SRD5A2: variants seen among roughly 807,000 people sequenced by gnomAD.
SRD5A2 encodes the protein 3-oxo-5-alpha-steroid 4-dehydrogenase 2.
Under a neutral mutation model 27.4 loss-of-function variants are expected in SRD5A2, and 30 were observed. The observed-to-expected ratio is 1.10, with a 90% CI of 0.82 to 1.49. The LOEUF is 1.49. SRD5A2 is among the 40% of genes most tolerant of loss of function. The pLI is 0.00. For synonymous variants in SRD5A2, 141 were observed against 133.6 expected (o/e 1.06, Z -0.38); for missense variants, 348 against 323.4 (o/e 1.08, Z -0.58).
chr2:31,565,310 T>C (rs983182069), intron 1 of SRD5A2, among the ~76,000 whole-genome samples: 1 of 151,588 alleles, frequency 6.6e-6, no homozygotes, highest in Admixed American at 6.6e-5. Context: ...TGGAAACAAA[T>C]AGCAAGATGA....
At position 31,523,044 on chromosome 2, in the gene SRD5A2, A is replaced by T. The variant is rs1286723928; in HGVS notation, c.*3152T>A. Reference sequence around the variant, plus strand: ...CGCCTAAATAGCTGTTTAATTGCGTATTTCTCATTAGAGCTCCTTTTTCCT... The same window carrying T: ...CGCCTAAATAGCTGTTTAATTGCGTTTTTCTCATTAGAGCTCCTTTTTCCT... On this transcript the variant is annotated 3_prime_UTR_variant, in exon 5 of 5. Transcript: ENST00000622030. The T allele has an allele frequency of 4.6e-6, 1 of 217,986 alleles. No individual in the cohort carries two copies. The highest frequency in any genetic ancestry group is 9.2e-6 in the Non-Finnish European group (1 of 108,462). The allele number at this position is 217,986 out of a possible 1,614,324, so 13.5% of individuals were successfully genotyped here. A position where few individuals can be genotyped will look rare whatever the true frequency, so the allele number is the denominator to read the frequency against.
At chr2:31,596,385 CAAAA>C in the SRD5A2 span, among the ~76,000 whole-genome samples, 45 of 63,886 alleles carry the variant, frequency 7.0e-4, no homozygotes, top group Admixed American at 2.5e-3. Context: ...AAGACTCCAC[CAAAA>C]AAAAAAAAAA....
the SRD5A2 span, among the ~76,000 whole-genome samples, chr2:31,601,427 A>G: frequency 6.6e-6 from 1 of 152,072 alleles, no homozygotes; most frequent in Non-Finnish European, 1.5e-5. Context: ...AGTAGTAAAT[A>G]GCCTACCAAC....
the SRD5A2 span, among the ~76,000 whole-genome samples, chr2:31,611,348 G>C: frequency 6.6e-6 from 1 of 152,072 alleles, no homozygotes; most frequent in Admixed American, 6.6e-5. Flanking sequence ...AGTAACTGCA[G>C]CACTGTCAAA....
chr2:31,653,583 A>G, the SRD5A2 span, among the ~76,000 whole-genome samples: 4 of 152,328 alleles, frequency 2.6e-5, no homozygotes, highest in South Asian at 4.1e-4. Flanking sequence ...ACATAGCTGC[A>G]TAAGTCAAGG....
At chr2:31,550,528 T>C (rs1381349410) in intron 1 of SRD5A2, among the ~76,000 whole-genome samples, 2 of 151,954 alleles carry the variant, frequency 1.3e-5, no homozygotes, top group African/African-American at 2.4e-5. Flanking sequence ...TAATTCTATA[T>C]GAAGAATTAT....
the SRD5A2 span, among the ~76,000 whole-genome samples, chr2:31,623,539 T>C: frequency 1.3e-5 from 2 of 152,182 alleles, no homozygotes; most frequent in East Asian, 3.9e-4. Context: ...TTTGAGTTTT[T>C]AGTGTTTTGG....
At chr2:31,556,751 T>G (rs1287384448) in intron 1 of SRD5A2, among the ~76,000 whole-genome samples, 1 of 152,208 alleles carries the variant, frequency 6.6e-6, no homozygotes, top group Non-Finnish European at 1.5e-5. Context: ...ATTTATTTTG[T>G]TTTAAGCCAC....
chr2:31,556,071 T>C (rs1666488033), intron 1 of SRD5A2, among the ~76,000 whole-genome samples: 1 of 152,226 alleles, frequency 6.6e-6, no homozygotes, highest in Admixed American at 6.5e-5. Flanking sequence ...TTGTTGGAGC[T>C]CTCTATATGC....
At chr2:31,546,401 T>G (rs1666256551) in intron 1 of SRD5A2, among the ~76,000 whole-genome samples, 1 of 152,234 alleles carries the variant, frequency 6.6e-6, no homozygotes, top group South Asian at 2.1e-4. Flanking sequence ...AGATGCCCAT[T>G]AATGATGGAC....
At chr2:31,590,871 C>T in the SRD5A2 span, among the ~76,000 whole-genome samples, 4 of 152,188 alleles carry the variant, frequency 2.6e-5, no homozygotes, top group African/African-American at 9.7e-5. Context: ...GCTGGGAAAA[C>T]TGGCTAGCCA....
intron 1 of SRD5A2, among the ~76,000 whole-genome samples, chr2:31,560,061 C>G (rs965097920): frequency 2.7e-5 from 4 of 148,076 alleles, no homozygotes; most frequent in Admixed American, 2.0e-4. Flanking sequence ...CCAATCCCCC[C>G]CCCCCCCTTT....
intron 1 of SRD5A2, among the ~76,000 whole-genome samples, chr2:31,548,745 A>G (rs1400596351): frequency 6.6e-6 from 1 of 152,202 alleles, no homozygotes; most frequent in African/African-American, 2.4e-5. Flanking sequence ...TATGCATCTA[A>G]AAGAACTGAA....
the SRD5A2 span, among the ~76,000 whole-genome samples, chr2:31,648,169 T>C: frequency 1.3e-5 from 2 of 152,272 alleles, no homozygotes; most frequent in East Asian, 3.9e-4. Flanking sequence ...AAATTCAGCA[T>C]GTACTGAAGA....
the SRD5A2 span, among the ~76,000 whole-genome samples, chr2:31,611,933 A>G: frequency 6.6e-6 from 1 of 152,210 alleles, no homozygotes; most frequent in Non-Finnish European, 1.5e-5. Flanking sequence ...GAGAATAGAA[A>G]AACAAGTTGG....
the SRD5A2 span, among the ~76,000 whole-genome samples, chr2:31,599,946 T>TAATTA: frequency 6.6e-6 from 1 of 151,814 alleles, no homozygotes; most frequent in Admixed American, 6.6e-5. Context: ...TTAAGCCTAC[T>TAATTA]ACCCATTAGT....
the SRD5A2 span, among the ~76,000 whole-genome samples, chr2:31,661,850 C>G: frequency 6.6e-6 from 1 of 152,092 alleles, no homozygotes; most frequent in African/African-American, 2.4e-5. Context: ...ATTTTTCAAC[C>G]ATTTTTTTTC....
chr2:31,646,867 C>T, the SRD5A2 span, among the ~76,000 whole-genome samples: 1 of 152,144 alleles, frequency 6.6e-6, no homozygotes, highest in Non-Finnish European at 1.5e-5. Context: ...CAGCAATAGG[C>T]CAGGTGCAGT....
At chr2:31,621,790 C>T in the SRD5A2 span, among the ~76,000 whole-genome samples, 1 of 151,964 alleles carries the variant, frequency 6.6e-6, no homozygotes. Flanking sequence ...GTATATACCA[C>T]CACCCCTGGC....
Sources: allele counts gnomAD v4.1 joint callset (sites outside exome capture counted in the v4.1 genomes callset), GRCh38; gene constraint gnomAD v4.1.1; transcripts MANE v1.5; gene names NCBI Gene and HGNC (gene_info 2026-07-23, HGNC 2026-07-21).